Variants in PSMC3IP observed in about 807,000 individuals in gnomAD.
PSMC3IP encodes homologous-pairing protein 2 homolog.
A neutral mutation model predicts 34.9 loss-of-function variants in PSMC3IP; 26 were observed. That is an observed-to-expected ratio of 0.74 (90% CI 0.55 to 1.03). PSMC3IP has a LOEUF of 1.03. Among genes scored for constraint, PSMC3IP ranks in the 50% least tolerant of loss-of-function variants. PSMC3IP has a pLI of 0.00. For missense variants in PSMC3IP, 250 were observed against 263.1 expected, an observed-to-expected ratio of 0.95 and a Z score of 0.34; for synonymous variants, 87 against 96.5, an observed-to-expected ratio of 0.90 and a Z score of 0.57.
Position 42,572,969 on chromosome 17 carries a change from CAG to C in PSMC3IP, c.651_652del (p.Ter218ArgfsTer48), listed in dbSNP as rs1275807463. The C allele has an allele frequency of 1.3e-5, 21 of 1,614,032 alleles. No individual in the cohort carries two copies. The highest frequency in any genetic ancestry group is 4.0e-5 in the African/African-American group (3 of 74,910). ...CCACCAGTCCTGACCGTGGGCCCCT[CAG>C]GGGTCTGGGAGTGTGACGTTGTAAT... On this transcript the variant is annotated frameshift_variant and stop_lost, in exon 8 of 8. Transcript: ENST00000393795. LOFTEE classifies it high-confidence loss of function.
Position 42,574,153 on chromosome 17 carries a change from C to T in PSMC3IP, c.283G>A (p.Ala95Thr), listed in dbSNP as rs368701617. 6.2e-7 allele frequency: 1 copy of T among 1,614,054 alleles called. No homozygotes were observed. The highest frequency in any genetic ancestry group is 8.5e-7 in the Non-Finnish European group (1 of 1,180,048). ...DLQVLDGKIV[A>T]LTAKVQSLQQ... Reference sequence around the variant, plus strand: ...AAGCTCTGCACCTTAGCAGTGAGGGCCACGATTTTGCCATCTAGGACTTGA... The same window carrying T: ...AAGCTCTGCACCTTAGCAGTGAGGGTCACGATTTTGCCATCTAGGACTTGA... The change falls in exon 4 of 8, where the codon GCC (alanine) becomes ACC (threonine). Residue 95 changes from alanine (A) to threonine (T), a missense_variant. Ala to Thr is a moderately conservative substitution (Grantham distance 58). Coordinates refer to ENST00000393795, the MANE Select transcript of PSMC3IP (RefSeq NM_016556.4).
Position 42,577,546 on chromosome 17 carries a change from A to AG in PSMC3IP, c.49dup (p.Leu17ProfsTer63). 1 of 1,614,174 alleles carries AG rather than the reference A, an allele frequency of 6.2e-7. No individual in the cohort carries two copies. The highest frequency in any genetic ancestry group is 8.5e-7 in the Non-Finnish European group (1 of 1,180,018). ...CCGGTTCTGCTCCTGCAGGTACCTC[A>AG]GGAGGATCCCGGCGGCTACGGAGAG... On this transcript the variant is annotated frameshift_variant, in exon 2 of 8. Transcript: ENST00000393795. LOFTEE classifies it high-confidence loss of function.
chr17:42,575,576 C>T (rs567593740), intron 3 of PSMC3IP, among the ~76,000 whole-genome samples: 2 of 152,088 alleles, frequency 1.3e-5, no homozygotes, highest in Non-Finnish European at 2.9e-5. Context: ...TTCAGTTTAA[C>T]GAGTAATATC....
chr17:42,575,985 C>T (rs2093072995), intron 3 of PSMC3IP, among the ~76,000 whole-genome samples: 1 of 152,092 alleles, frequency 6.6e-6, no homozygotes, highest in Admixed American at 6.5e-5. Context: ...TGTGCCACTG[C>T]ACTCCAGCCT....
intron 3 of PSMC3IP, 122 bp downstream of exon 3, chr17:42,577,091 G>A: frequency 6.4e-7 from 1 of 1,555,986 alleles, no homozygotes; most frequent in Non-Finnish European, 8.7e-7. Flanking sequence ...TTGATTTAAG[G>A]ATGGTGGCCT....
chr17:42,573,462 C>T lies in PSMC3IP; in HGVS notation c.483+16G>A. Reference sequence around the variant, plus strand: ...ACTCTGGACCTGCACAGCGGTCCTACAGCCTTCCAGCTCACCTGCTCTTTC... The same window carrying T: ...ACTCTGGACCTGCACAGCGGTCCTATAGCCTTCCAGCTCACCTGCTCTTTC... On this transcript the variant is annotated intron_variant, in intron 5 of 7. Transcript: ENST00000393795. 6.2e-7 allele frequency: 1 copy of T among 1,614,270 alleles called. No individual in the cohort carries two copies. Among genetic ancestry groups the T allele is most frequent in the Non-Finnish European group, 8.5e-7 (1 of 1,180,054 alleles).
At position 42,572,470 on chromosome 17, in the gene PSMC3IP, T is replaced by G. The variant is rs1172536204; in HGVS notation, c.*498A>C. ...CTGCATTTCTCCCAGGACTTGGGGG[T>G]GGGGTGAAAAGCGTACAAAAGATAC... is the stretch of plus-strand genomic sequence containing the variant. On this transcript the variant is annotated 3_prime_UTR_variant, in exon 8 of 8. Transcript: ENST00000393795. 4 of 454,072 alleles carry G rather than the reference T, an allele frequency of 8.8e-6. No individual in the cohort carries two copies. The Admixed American group carries it at 9.4e-5, about 11-fold the overall frequency. 28.1% of individuals were successfully genotyped at this position (454,072 alleles called of 1,614,324 possible).
chr17:42,573,952 A>G (rs754355691), intron 4 of PSMC3IP, 147 bp downstream of exon 4: 8 of 1,536,996 alleles, frequency 5.2e-6, no homozygotes, highest in Non-Finnish European at 6.1e-6. Flanking sequence ...TAGTTATCCT[A>G]CATTTCTTTT....
At position 42,573,438 on chromosome 17, in the gene PSMC3IP, C is replaced by T. The variant is rs762584657; in HGVS notation, c.483+40G>A. On this transcript the variant is annotated intron_variant, in intron 5 of 7. Transcript: ENST00000393795. ...CTCTGGGGCTCAGCCCTGATGTTCACTCTGGACCTGCACAGCGGTCCTACA... is the reference window on the plus strand; with the variant it reads ...CTCTGGGGCTCAGCCCTGATGTTCATTCTGGACCTGCACAGCGGTCCTACA... 9 of 1,614,148 alleles carry T rather than the reference C, an allele frequency of 5.6e-6. No individual in the cohort carries two copies. In the African/African-American group the frequency reaches 6.7e-5, roughly 12 times the overall value.
chr17:42,573,846 A>C (rs1281634507), intron 4 of PSMC3IP: 2 of 1,531,766 alleles, frequency 1.3e-6, no homozygotes, highest in Non-Finnish European at 1.7e-6. Context: ...CAGTTAAAGA[A>C]GCAGGAATAA....
intron 3 of PSMC3IP, chr17:42,576,934 G>C: frequency 1.9e-6 from 1 of 514,588 alleles, no homozygotes; most frequent in South Asian, 2.0e-5. Context: ...ATTTGGCAGA[G>C]GGTGTTGCTA....
At position 42,572,383 on chromosome 17, in the gene PSMC3IP, T is replaced by C. The variant is rs1278467662; in HGVS notation, c.*585A>G. ...ACGGTTACAATTTTGAAATATTAAC[T>C]GAGCCTCAAAATCACCCTTTCTGTC... On this transcript the variant is annotated 3_prime_UTR_variant, in exon 8 of 8. Coordinates refer to ENST00000393795, the MANE Select transcript of PSMC3IP (RefSeq NM_016556.4). 2.2e-6 allele frequency: 1 copy of C among 454,694 alleles called. No individual in the cohort carries two copies. The highest frequency in any genetic ancestry group is 1.6e-5 in the South Asian group (1 of 64,470). 28.2% of individuals were successfully genotyped at this position (454,694 alleles called of 1,614,324 possible).
intron 3 of PSMC3IP, among the ~76,000 whole-genome samples, chr17:42,575,664 C>A (rs945224347): frequency 8.6e-5 from 13 of 151,984 alleles, no homozygotes; most frequent in African/African-American, 3.1e-4. Flanking sequence ...AGAGGAACTT[C>A]AGTTGAATAA....
chr17:42,577,658 G>C lies in PSMC3IP; in HGVS notation c.29C>G (p.Ala10Gly), dbSNP rs2093085242. 2 of 1,614,126 alleles carry C rather than the reference G, an allele frequency of 1.2e-6. No individual in the cohort carries two copies. The highest frequency in any genetic ancestry group is 1.7e-5 in the Admixed American group (1 of 60,020). Residue 10 changes from alanine to glycine, a missense_variant, in exon 1 of 8, where the codon GCG becomes GGG. Ala to Gly is a moderately conservative substitution (Grantham distance 60). Transcript: ENST00000393795. Reference protein sequence around the residue: MSKGRAEAAAGAAGILLRYL... With the variant: MSKGRAEAAGGAAGILLRYL... ...CGCGCCCACGGCGCCGTTACCTCCC[G>C]CCGCAGCTTCTGCCCGGCCTTTACT... is the stretch of plus-strand genomic sequence containing the variant.
rs1269686282 is a variant in PSMC3IP at position 42,572,542 on chromosome 17, G to C, written c.*426C>G. 8.8e-6 allele frequency: 4 copies of C among 453,628 alleles called. No homozygotes were observed. Among genetic ancestry groups the C allele is most frequent in the Non-Finnish European group, 1.8e-5 (4 of 226,512 alleles). The allele number at this position is 453,628 out of a possible 1,614,324, so 28.1% of individuals were successfully genotyped here. On this transcript the variant is annotated 3_prime_UTR_variant, in exon 8 of 8. Transcript: ENST00000393795. Reference sequence around the variant, plus strand: ...ACAAGCCCAGCAGGTCCTGAGTGAAGCCGTGGGCCCTCCAAATGCTCGTTT... The same window carrying C: ...ACAAGCCCAGCAGGTCCTGAGTGAACCCGTGGGCCCTCCAAATGCTCGTTT...
chr17:42,577,036 T>C, intron 3 of PSMC3IP, 177 bp downstream of exon 3: 1 of 1,445,714 alleles, frequency 6.9e-7, no homozygotes, highest in South Asian at 1.3e-5. Flanking sequence ...ATTGTAAATC[T>C]GGAAACCTCG....
At chr17:42,573,765 C>A in intron 4 of PSMC3IP, 142 bp from the exon 5 acceptor site, 2 of 1,498,702 alleles carry the variant, frequency 1.3e-6, no homozygotes, top group Non-Finnish European at 1.8e-6. Context: ...ATTATTTATT[C>A]TTCTAATTTT....
Position 42,577,459 on chromosome 17 carries a change from A to C in PSMC3IP, c.135+2T>G. On this transcript the variant is annotated splice_donor_variant, in intron 2 of 7. Transcript: ENST00000393795. LOFTEE classifies it high-confidence loss of function. ...GAGGGAATCCCGGGAGAAGGTCCTC[A>C]CCGCCTTGCCCAGTCCGTGTTCCCG... 1 of 1,613,916 alleles carries C rather than the reference A, an allele frequency of 6.2e-7. No individual in the cohort carries two copies. Among genetic ancestry groups the C allele is most frequent in the Non-Finnish European group, 8.5e-7 (1 of 1,179,902 alleles).
At position 42,573,526 on chromosome 17, in the gene PSMC3IP, C is replaced by A. The variant is rs763292529; in HGVS notation, c.435G>T (p.Lys145Asn). 6.2e-7 allele frequency: 1 copy of A among 1,614,238 alleles called. No homozygotes were observed. ...CATGATTGGTAGCTGCTTTAATGTT[C>A]TTCAATCTCTCTCTGTAGCCAGCGC... Reference protein sequence around the residue: ...KECAGYRERLKNIKAATNHVT... With the variant: ...KECAGYRERLNNIKAATNHVT... Residue 145 changes from lysine (K) to asparagine (N), a missense_variant, in exon 5 of 8, where the codon AAG becomes AAT. By Grantham distance (94) the Lys-to-Asn change is moderately conservative. Coordinates refer to ENST00000393795, the MANE Select transcript of PSMC3IP (RefSeq NM_016556.4).
Sources: gnomAD v4.1 joint callset for allele counts (sites outside exome capture counted in the v4.1 genomes callset) on GRCh38, gnomAD v4.1.1 for gene constraint, MANE v1.5 for transcripts, NCBI Gene and HGNC (gene_info 2026-07-23, HGNC 2026-07-21) for gene names.